Variants in MITF observed in about 807,000 individuals in gnomAD.
The protein encoded by MITF is microphthalmia-associated transcription factor.
Under a neutral mutation model 60.5 loss-of-function variants are expected in MITF, and 17 were observed. That is an observed-to-expected ratio of 0.28 (90% CI 0.19 to 0.42). The LOEUF (loss-of-function observed/expected upper bound fraction) is 0.42, where lower values mean the gene tolerates loss of function less well. Among genes scored for constraint, MITF ranks in the 10% least tolerant of loss-of-function variants. The pLI is 1.00. For missense variants in MITF, 622 were observed against 683.5 expected, an observed-to-expected ratio of 0.91 and a Z score of 1.00; for synonymous variants, 260 against 248.5, an observed-to-expected ratio of 1.05 and a Z score of -0.43.
At chr3:69,959,213 T>C (rs2066477995) in intron 8 of MITF, 60 bp from the exon 9 acceptor site, 5 of 1,597,148 alleles carry the variant, frequency 3.1e-6, no homozygotes, top group Non-Finnish European at 4.3e-6. Flanking sequence ...GCTTTGAATA[T>C]TGAATTTTCA....
intron 1 of MITF, among the ~76,000 whole-genome samples, chr3:69,775,775 A>G (rs1414220695): frequency 6.6e-6 from 1 of 152,092 alleles, no homozygotes; most frequent in Non-Finnish European, 1.5e-5. Context: ...GGCATAGAAA[A>G]CTGACTGGGA....
chr3:69,832,249 G>A (rs1192735873), intron 1 of MITF, among the ~76,000 whole-genome samples: 2 of 152,172 alleles, frequency 1.3e-5, no homozygotes, highest in African/African-American at 4.8e-5. Context: ...GCCATTGGTG[G>A]TCAATTTATA....
At chr3:69,923,545 A>G (rs2065516967) in intron 2 of MITF, among the ~76,000 whole-genome samples, 1 of 152,132 alleles carries the variant, frequency 6.6e-6, no homozygotes, top group Non-Finnish European at 1.5e-5. Context: ...GGGTTTCACC[A>G]TGTTGGCCTG....
chr3:69,878,347 G>T (rs1408997480), intron 1 of MITF, among the ~76,000 whole-genome samples: 2 of 152,084 alleles, frequency 1.3e-5, no homozygotes, highest in East Asian at 3.9e-4. Flanking sequence ...TGTGAGTAGG[G>T]TTTCAGAATT....
intron 1 of MITF, among the ~76,000 whole-genome samples, chr3:69,822,054 T>G (rs1433397603): frequency 1.3e-5 from 2 of 152,220 alleles, no homozygotes; most frequent in African/African-American, 2.4e-5. Context: ...AAACTGGATT[T>G]TCTTGATAGT....
intron 5 of MITF, among the ~76,000 whole-genome samples, chr3:69,945,832 G>A (rs545182373): frequency 5.3e-5 from 8 of 152,166 alleles, no homozygotes; most frequent in Admixed American, 1.3e-4. Context: ...ATATTGATCC[G>A]GGGAAACAAA....
intron 2 of MITF, among the ~76,000 whole-genome samples, chr3:69,889,038 T>G (rs953238690): frequency 1.4e-5 from 2 of 146,146 alleles, no homozygotes; most frequent in Non-Finnish European, 3.0e-5. Flanking sequence ...TTTTTTTTTT[T>G]TTTTTTTTTT....
At chr3:69,844,547 G>T (rs2063697031) in intron 1 of MITF, among the ~76,000 whole-genome samples, 1 of 152,138 alleles carries the variant, frequency 6.6e-6, no homozygotes, top group South Asian at 2.1e-4. Flanking sequence ...ATACCATTCA[G>T]GACATAGGCA....
intron 1 of MITF, among the ~76,000 whole-genome samples, chr3:69,793,549 C>A (rs964359137): frequency 6.6e-6 from 1 of 152,186 alleles, no homozygotes; most frequent in Non-Finnish European, 1.5e-5. Context: ...TCTCCCAATG[C>A]TCAAGTTATG....
chr3:69,878,521 G>C (rs2064405949), intron 1 of MITF, among the ~76,000 whole-genome samples: 2 of 152,268 alleles, frequency 1.3e-5, no homozygotes, highest in South Asian at 4.1e-4. Context: ...TGTCAGACCA[G>C]CTCGTCTTCT....
At chr3:69,951,124 G>T (rs1378921912) in intron 6 of MITF, among the ~76,000 whole-genome samples, 3 of 146,830 alleles carry the variant, frequency 2.0e-5, no homozygotes, top group Non-Finnish European at 3.0e-5. Context: ...TTGAGACAGG[G>T]TCTCTCTGTG....
Position 69,965,829 on chromosome 3 carries a change from GC to G in MITF, c.*583del. 4.4e-6 allele frequency: 1 copy of G among 228,808 alleles called. No homozygotes were observed. The allele number at this position is 228,808 out of a possible 1,614,324, so 14.2% of individuals were successfully genotyped here. On this transcript the variant is annotated 3_prime_UTR_variant, in exon 10 of 10. Transcript: ENST00000352241. ...TTCTGTAAAAGAAAAAAAAAATGCG[GC>G]CTTTTCATGAGGATCGTCTGGTTAG...
chr3:69,763,898 T>C, intron 1 of MITF: 1 of 1,378,134 alleles, frequency 7.3e-7, no homozygotes. Context: ...TCTCTCTCTG[T>C]GAAAAGGAAA....
At chr3:69,961,973 T>C (rs544044901) in intron 9 of MITF, among the ~76,000 whole-genome samples, 77 of 152,308 alleles carry the variant, frequency 5.1e-4, no homozygotes, top group African/African-American at 1.7e-3. Context: ...CAGAAAACAT[T>C]ATTAATTAGG....
rs530738167 is a variant in MITF at position 69,811,161 on chromosome 3, G to A, written c.105-67973G>A. Among the ~76,000 whole-genome samples, 5 of 152,268 alleles carry A rather than the reference G, an allele frequency of 3.3e-5. No homozygotes were observed. The South Asian group carries it at 1.0e-3, about 32-fold the overall frequency. The stretch of plus-strand genomic sequence containing the variant: ...TCAGAGATTCTGATGGTGGTCTAAG[G>A]TGGGCACTGGTATTTGTTTTAAAAG... On this transcript the variant is annotated intron_variant, in intron 1 of 9. Transcript: ENST00000352241.
intron 1 of MITF, among the ~76,000 whole-genome samples, chr3:69,776,913 G>A (rs1157632092): frequency 6.6e-6 from 1 of 152,044 alleles, no homozygotes; most frequent in Non-Finnish European, 1.5e-5. Context: ...ACTTATATTC[G>A]AAGTGAATTC....
intron 1 of MITF, among the ~76,000 whole-genome samples, chr3:69,746,542 T>C (rs1300325428): frequency 6.6e-6 from 1 of 152,252 alleles, no homozygotes; most frequent in East Asian, 1.9e-4. Flanking sequence ...GTGTGTGAGG[T>C]ATAAAATGTA....
At chr3:69,875,168 G>T (rs1298842780) in intron 1 of MITF, among the ~76,000 whole-genome samples, 1 of 152,218 alleles carries the variant, frequency 6.6e-6, no homozygotes, top group Non-Finnish European at 1.5e-5. Context: ...TAGCCCTTGA[G>T]TCCAATCGGT....
chr3:69,960,781 T>C (rs922157314), intron 9 of MITF, among the ~76,000 whole-genome samples: 4 of 152,186 alleles, frequency 2.6e-5, no homozygotes, highest in African/African-American at 7.2e-5. Context: ...CTCCCGGACG[T>C]TGAACTTTTC....
Sources: gnomAD v4.1 joint callset for allele counts (sites outside exome capture counted in the v4.1 genomes callset) on GRCh38, gnomAD v4.1.1 for gene constraint, MANE v1.5 for transcripts, NCBI Gene and HGNC (gene_info 2026-07-23, HGNC 2026-07-21) for gene names.